The following EMILIN2 variants were observed in gnomAD, a reference collection of about 807,000 sequenced individuals.
The protein encoded by EMILIN2 is EMILIN-2.
Under a neutral mutation model 87.1 loss-of-function variants are expected in EMILIN2, and 71 were observed. The observed-to-expected ratio is 0.82, with a 90% CI of 0.67 to 0.99. The LOEUF is 0.99. Ranked by LOEUF, EMILIN2 falls within the 50% of genes least tolerant of loss-of-function variation. EMILIN2 has a pLI of 0.00. For missense variants in EMILIN2, 1,407 were observed against 1,371.8 expected (o/e 1.03, Z -0.40); for synonymous variants, 581 against 563.4 (o/e 1.03, Z -0.44).
chr18:2,911,134 G>A (rs189182959), intron 7 of EMILIN2, among the ~76,000 whole-genome samples: 8 of 152,368 alleles, frequency 5.3e-5, no homozygotes, highest in South Asian at 2.1e-4. Context: ...AAGTACACTC[G>A]GAAGACGGCC....
intron 3 of EMILIN2, among the ~76,000 whole-genome samples, chr18:2,887,820 T>C (rs1386599423): frequency 6.6e-6 from 1 of 152,196 alleles, no homozygotes; most frequent in East Asian, 1.9e-4. Context: ...TTTTTCTATT[T>C]TAGAGACAGG....
At chr18:2,884,572 A>T (rs543108442) in intron 2 of EMILIN2, among the ~76,000 whole-genome samples, 36 of 152,364 alleles carry the variant, frequency 2.4e-4, no homozygotes, top group Non-Finnish European at 4.3e-4. Flanking sequence ...AACACAAAAC[A>T]AAACAATCTC....
chr18:2,907,295 C>T (rs1011878153), intron 5 of EMILIN2, among the ~76,000 whole-genome samples: 6 of 152,178 alleles, frequency 3.9e-5, no homozygotes, highest in Non-Finnish European at 2.9e-5. Flanking sequence ...ACAGTGCAGT[C>T]GTCTGTACTT....
chr18:2,890,678 T>A lies in EMILIN2; in HGVS notation c.551T>A (p.Ile184Lys), dbSNP rs115499416. Residue 184 changes from isoleucine to lysine, a missense_variant, in exon 4 of 8, where the codon ATA becomes AAA. Transcript: ENST00000254528. The surrounding 1 kb of genome is among the most constrained non-coding windows in gnomAD (Gnocchi z 4.7). Reference protein sequence around the residue: ...EGPQELQEKKIQVLEEKVLRL... With the variant: ...EGPQELQEKKKQVLEEKVLRL... ...CCTCAGGAACTTCAGGAAAAGAAGA[T>A]ACAGGTGCTAGAGGAGAAGGTTCTT... 3.1e-6 allele frequency: 5 copies of A among 1,614,112 alleles called. No homozygotes were observed. In the East Asian group the frequency reaches 1.1e-4, roughly 36 times the overall value.
At chr18:2,886,595 C>A (rs1023554754) in intron 3 of EMILIN2, among the ~76,000 whole-genome samples, 1 of 152,206 alleles carries the variant, frequency 6.6e-6, no homozygotes, top group African/African-American at 2.4e-5. Context: ...CCTATCCCCC[C>A]ATCCCTTCCA....
chr18:2,849,235 G>T (rs1186365231), intron 2 of EMILIN2, among the ~76,000 whole-genome samples: 1 of 152,170 alleles, frequency 6.6e-6, no homozygotes, highest in African/African-American at 2.4e-5. Context: ...TTACACTGTG[G>T]GAGTGATACA....
At chr18:2,877,790 AAAG>A (rs1231165065) in intron 2 of EMILIN2, among the ~76,000 whole-genome samples, 2,232 of 151,440 alleles carry the variant, frequency 0.015, 59 homozygotes, top group African/African-American at 0.052. Flanking sequence ...AAAAAAAAAA[AAAG>A]AAAGAAAACC....
intron 2 of EMILIN2, among the ~76,000 whole-genome samples, chr18:2,851,971 C>T (rs1213326730): frequency 1.3e-5 from 2 of 152,152 alleles, no homozygotes; most frequent in Non-Finnish European, 2.9e-5. Flanking sequence ...GCCACTGAGC[C>T]GCCTGCTAAT....
intron 4 of EMILIN2, among the ~76,000 whole-genome samples, chr18:2,895,536 T>C (rs2076859466): frequency 6.6e-6 from 1 of 152,232 alleles, no homozygotes; most frequent in Admixed American, 6.5e-5. Context: ...TTCTGCTCTA[T>C]GTGGCATCAG....
In EMILIN2 at chr18:2,891,665, G is replaced by C; in HGVS notation, c.1538G>C (p.Gly513Ala). The C allele has an allele frequency of 6.2e-7, 1 of 1,614,136 alleles. No individual in the cohort carries two copies. Among genetic ancestry groups the C allele is most frequent in the Non-Finnish European group, 8.5e-7 (1 of 1,180,044 alleles). The part of the protein sequence containing the change: ...SVLLQMTNNT[G>A]AELSPPGAAA... ...CTCCTACAGATGACCAATAACACTG[G>C]TGCAGAGCTCAGTCCCCCAGGGGCA... Residue 513 changes from glycine to alanine, a missense_variant, in exon 4 of 8, where the codon GGT (glycine) becomes GCT (alanine). Coordinates refer to ENST00000254528, the MANE Select transcript of EMILIN2 (RefSeq NM_032048.3). The surrounding 1 kb of genome is among the most constrained non-coding windows in gnomAD (Gnocchi z 4.6).
At chr18:2,900,051 C>A (rs1036541607) in intron 4 of EMILIN2, among the ~76,000 whole-genome samples, 1 of 152,120 alleles carries the variant, frequency 6.6e-6, no homozygotes, top group African/African-American at 2.4e-5. Flanking sequence ...ATTCTTATGT[C>A]TGGATTCTTA....
rs2076855786 is a variant in EMILIN2, at chr18:2,894,788, A to G, written c.2359+2302A>G. 6.6e-6 allele frequency among the ~76,000 whole-genome samples: 1 copy of G among 152,160 alleles called. No homozygotes were observed. Among genetic ancestry groups the G allele is most frequent in the African/African-American group, 2.4e-5 (1 of 41,438 alleles). On this transcript the variant is annotated intron_variant, in intron 4 of 7. Coordinates refer to ENST00000254528, the MANE Select transcript of EMILIN2 (RefSeq NM_032048.3). This position sits in a 1 kb window ranked among gnomAD's most constrained non-coding sequence, Gnocchi z 5.0. ...AGAGCCTCCTCTGCCCTTGTCTAGC[A>G]TCCAGGTCTAGGAGACCTGGAACCT...
At position 2,892,393 on chromosome 18, in the gene EMILIN2, T is replaced by G; in HGVS notation, c.2266T>G (p.Ser756Ala). Residue 756 changes from serine (S) to alanine (A), a missense_variant, in exon 4 of 8, where the codon TCT becomes GCT. Transcript: ENST00000254528. ...GTLRSHSRDI[S>A]GLKNSVQQFY... ...GCTCAGGTCGCATTCCAGAGACATT[T>G]CTGGCCTGAAGAATTCAGTCCAGCA... 6.2e-7 allele frequency: 1 copy of G among 1,614,144 alleles called. No homozygotes were observed. The highest frequency in any genetic ancestry group is 8.5e-7 in the Non-Finnish European group (1 of 1,180,036).
intron 2 of EMILIN2, among the ~76,000 whole-genome samples, chr18:2,881,420 G>A (rs1304112473): frequency 2.0e-5 from 3 of 151,752 alleles, no homozygotes. Context: ...AGTGGGAGGG[G>A]TGGGGGCTCC....
At chr18:2,884,465 C>T (rs543705606) in intron 2 of EMILIN2, among the ~76,000 whole-genome samples, 6 of 152,306 alleles carry the variant, frequency 3.9e-5, no homozygotes, top group African/African-American at 4.8e-5. Context: ...AGGCTAGTCT[C>T]GAACTCCTGG....
At chr18:2,886,657 G>C (rs2076804974) in intron 3 of EMILIN2, among the ~76,000 whole-genome samples, 1 of 152,120 alleles carries the variant, frequency 6.6e-6, no homozygotes, top group Non-Finnish European at 1.5e-5. Flanking sequence ...TTACATTGTA[G>C]TAACTATGTA....
chr18:2,857,582 C>T (rs961178750), intron 2 of EMILIN2, among the ~76,000 whole-genome samples: 11 of 152,184 alleles, frequency 7.2e-5, no homozygotes, highest in African/African-American at 2.4e-4. Flanking sequence ...GGGGCGATTG[C>T]GACAGAACTC....
At position 2,882,291 on chromosome 18, in the gene EMILIN2, A is replaced by G. The variant is rs188604019; in HGVS notation, c.258-2673A>G. On this transcript the variant is annotated intron_variant, in intron 2 of 7. Transcript: ENST00000254528. ...CATTTTACTACCAGGCTTCCTCTTC[A>G]GTTTTCCTTGGAAAAGGCTCTCTGG... Among the ~76,000 whole-genome samples, 7 of 152,274 alleles carry G rather than the reference A, an allele frequency of 4.6e-5. No homozygotes were observed. In the East Asian group the frequency reaches 1.4e-3, roughly 29 times the overall value.
At chr18:2,907,967 CGGTGATAGCCTGGTGCCCCCAT>C (rs1237764132) in intron 5 of EMILIN2, among the ~76,000 whole-genome samples, 2 of 152,188 alleles carry the variant, frequency 1.3e-5, no homozygotes, top group Non-Finnish European at 2.9e-5. Flanking sequence ...TGTTCCCCAT[CGGTGATAGCCTGGTGCCCCCAT>C]GGCCCCTGAT....
Sources: gnomAD v4.1 joint callset for allele counts (sites outside exome capture counted in the v4.1 genomes callset) on GRCh38, gnomAD v4.1.1 for gene constraint, Gnocchi (gnomAD v3.1) non-coding constraint, MANE v1.5 for transcripts, NCBI Gene and HGNC (gene_info 2026-07-23, HGNC 2026-07-21) for gene names.